GPRC5B: variants seen among roughly 807,000 people sequenced by gnomAD.
The protein encoded by GPRC5B is G protein-coupled receptor class C group 5 member B, also known as G protein-coupled receptor family C group 5 member B.
GPRC5B carries 16 observed loss-of-function variants against 30.1 expected under a neutral mutation model. That is an observed-to-expected ratio of 0.53 (90% confidence interval 0.36 to 0.81). The LOEUF is 0.81. Among genes scored for constraint, GPRC5B ranks in the 30% least tolerant of loss-of-function variants. GPRC5B has a pLI of 0.01. For missense variants in GPRC5B, 428 were observed against 544.7 expected, an observed-to-expected ratio of 0.79 and a Z score of 2.13; for synonymous variants, 241 against 239.5, an observed-to-expected ratio of 1.01 and a Z score of -0.06.
rs2056577990 is a variant in GPRC5B, at chr16:19,857,603, C to T, written c.*2897G>A. 3 of 318,134 alleles carry T rather than the reference C, an allele frequency of 9.4e-6. No homozygotes were observed. Among genetic ancestry groups the T allele is most frequent in the South Asian group, 8.2e-5 (3 of 36,532 alleles). 19.7% of individuals were successfully genotyped at this position (318,134 alleles called of 1,614,324 possible). The stretch of plus-strand genomic sequence containing the variant: ...GCTGAGAACTCCTGTAAGCTGGTAT[C>T]ATCATTGCATCATTGGATTATAAAA... On this transcript the variant is annotated 3_prime_UTR_variant, in exon 4 of 4. Coordinates refer to ENST00000300571, the MANE Select transcript of GPRC5B (RefSeq NM_016235.3).
chr16:19,869,174 C>CA (rs1358638082), intron 2 of GPRC5B, among the ~76,000 whole-genome samples: 1 of 151,594 alleles, frequency 6.6e-6, no homozygotes, highest in Non-Finnish European at 1.5e-5. Flanking sequence ...ACTAAAAATA[C>CA]AAAAATTAGC....
chr16:19,860,555 A>G lies in GPRC5B; in HGVS notation c.1168-11T>C. 1 of 1,574,542 alleles carries G rather than the reference A, an allele frequency of 6.4e-7. No homozygotes were observed. The highest frequency in any genetic ancestry group is 8.7e-7 in the Non-Finnish European group (1 of 1,144,124). The stretch of plus-strand genomic sequence containing the variant: ...CGGAGCAGTTGGGATCTGGAATAAC[A>G]CATAAGGATAACACACTGAGAACTC... On this transcript the variant is annotated splice_polypyrimidine_tract_variant and intron_variant, in intron 3 of 3. Coordinates refer to ENST00000300571, the MANE Select transcript of GPRC5B (RefSeq NM_016235.3).
intron 2 of GPRC5B, among the ~76,000 whole-genome samples, chr16:19,865,039 G>A (rs1013796983): frequency 6.6e-6 from 1 of 151,570 alleles, no homozygotes; most frequent in Middle Eastern, 3.4e-3. Context: ...CAAGTAGCAG[G>A]GACTACAGGC....
chr16:19,865,781 TG>T (rs1470779714), intron 2 of GPRC5B, among the ~76,000 whole-genome samples: 1 of 152,222 alleles, frequency 6.6e-6, no homozygotes, highest in Non-Finnish European at 1.5e-5. Context: ...CAGTTACCTC[TG>T]TAACATTGAT....
chr16:19,868,102 C>T (rs561608225), intron 2 of GPRC5B, among the ~76,000 whole-genome samples: 3 of 150,480 alleles, frequency 2.0e-5, no homozygotes, highest in Admixed American at 1.3e-4. Context: ...GGGCTGGGTG[C>T]GGTGGCTCAT....
In GPRC5B at chr16:19,864,481, G is replaced by A. The variant is rs148256910; in HGVS notation, c.1031-2508C>T. 2.9e-4 allele frequency among the ~76,000 whole-genome samples: 44 copies of A among 152,372 alleles called. No homozygotes were observed. The East Asian group carries it at 7.5e-3, about 26-fold the overall frequency. ...TGATACTTACTAATAAGCAGCAGGT[G>A]GGTGAAGTTGTATCTATCTGAGGTC... On this transcript the variant is annotated intron_variant, in intron 2 of 3. Coordinates refer to ENST00000300571, the MANE Select transcript of GPRC5B (RefSeq NM_016235.3).
At chr16:19,864,990 G>C (rs1432870775) in intron 2 of GPRC5B, among the ~76,000 whole-genome samples, 1 of 145,298 alleles carries the variant, frequency 6.9e-6, no homozygotes, top group Non-Finnish European at 1.5e-5. Flanking sequence ...TTGCAGCCTC[G>C]ACCTCCGTAG....
At chr16:19,868,205 T>C (rs939647803) in intron 2 of GPRC5B, among the ~76,000 whole-genome samples, 4 of 151,908 alleles carry the variant, frequency 2.6e-5, no homozygotes, top group South Asian at 4.2e-4. Flanking sequence ...AGAAACCCCA[T>C]CTCTACTAAA....
intron 1 of GPRC5B, among the ~76,000 whole-genome samples, chr16:19,876,878 C>T (rs999194643): frequency 7.9e-5 from 12 of 152,220 alleles, no homozygotes; most frequent in African/African-American, 2.9e-4. Flanking sequence ...GGAGAGCTAC[C>T]TTGCGTCTGA....
In GPRC5B at chr16:19,884,831, G is replaced by T; in HGVS notation, c.-106C>A. 1 of 983,708 alleles carries T rather than the reference G, an allele frequency of 1.0e-6. No individual in the cohort carries two copies. The highest frequency in any genetic ancestry group is 1.2e-6 in the Non-Finnish European group (1 of 829,398). The allele number at this position is 983,708 out of a possible 1,614,324, so 60.9% of individuals were successfully genotyped here. On this transcript the variant is annotated 5_prime_UTR_variant, in exon 1 of 4. Transcript: ENST00000300571. ...CCGCTCCACGCACGCCCGCCTGCGG[G>T]TCCAGCTTCACTGCAGCGCCTGCCA...
At chr16:19,863,931 C>A (rs1388561879) in intron 2 of GPRC5B, among the ~76,000 whole-genome samples, 2 of 152,062 alleles carry the variant, frequency 1.3e-5, no homozygotes, top group Non-Finnish European at 2.9e-5. Context: ...GAAACCGCCC[C>A]CCAACCCCCC....
chr16:19,871,783 C>T (rs201217752), intron 2 of GPRC5B, 33 bp downstream of exon 2: 36 of 1,590,560 alleles, frequency 2.3e-5, no homozygotes, highest in African/African-American at 9.4e-5. Context: ...AATGGTCCCC[C>T]GGCCTGACCC....
Position 19,872,180 on chromosome 16 carries a change from C to A in GPRC5B, c.666G>T (p.Leu222=), listed in dbSNP as rs1296946374. 1.2e-6 allele frequency: 2 copies of A among 1,614,194 alleles called. No homozygotes were observed. The highest frequency in any genetic ancestry group is 1.7e-6 in the Non-Finnish European group (2 of 1,180,036). ...VVTLGLALFT[L]CGKFKRWKLN... ...GCTTCCACCTCTTGAACTTGCCGCA[C>A]AGAGTGAAGAGGGCCAGCCCCAGGG... Residue 222 remains leucine (L), a synonymous_variant, in exon 2 of 4, where the codon CTG becomes CTT. Coordinates refer to ENST00000300571, the MANE Select transcript of GPRC5B (RefSeq NM_016235.3). The surrounding 1 kb of genome is among the most constrained non-coding windows in gnomAD (Gnocchi z 5.0).
In GPRC5B at chr16:19,872,648, G is replaced by T. The variant is rs775838103; in HGVS notation, c.198C>A (p.Gly66=). ...GCATCAGGAGCAGTGTGATCAGGGC[G>T]CCCGCCCCGGCCACCGCCTCCACCA... The part of the protein sequence containing the change: ...GIVVEAVAGA[G]ALITLLLMLI... Residue 66 remains glycine (G), a synonymous_variant, in exon 2 of 4, where the codon GGC becomes GGA. Transcript: ENST00000300571. The surrounding 1 kb of genome is among the most constrained non-coding windows in gnomAD (Gnocchi z 5.0). 1.2e-6 allele frequency: 2 copies of T among 1,613,940 alleles called. No homozygotes were observed. Among genetic ancestry groups the T allele is most frequent in the African/African-American group, 2.7e-5 (2 of 75,018 alleles).
In GPRC5B at chr16:19,859,077, C is replaced by G. The variant is rs1339258276; in HGVS notation, c.*1423G>C. On this transcript the variant is annotated 3_prime_UTR_variant, in exon 4 of 4. Transcript: ENST00000300571. The stretch of plus-strand genomic sequence containing the variant: ...CCAAACACTAACCTTTTTCATTTTT[C>G]TTTAAAGGTTAAAGGCTTATGGGTA... 1 of 152,780 alleles carries G rather than the reference C, an allele frequency of 6.5e-6. No homozygotes were observed. The highest frequency in any genetic ancestry group is 1.5e-5 in the Non-Finnish European group (1 of 68,204). The allele number at this position is 152,780 out of a possible 1,614,324, so 9.5% of individuals were successfully genotyped here.
Position 19,872,558 on chromosome 16 carries a change from G to C in GPRC5B, c.288C>G (p.His96Gln). Reference protein sequence around the residue: ...EKEKKSPVGLHFLFLLGTLGL... With the variant: ...EKEKKSPVGLQFLFLLGTLGL... ...CCAGGGTCCCCAGGAGGAACAGAAA[G>C]TGGAGGCCCACAGGGCTCTTCTTCT... The change falls in exon 2 of 4, where the codon CAC becomes CAG. Residue 96 changes from histidine to glutamine, a missense_variant. By Grantham distance (24) the His-to-Gln change is conservative. This residue lies in a region of GPRC5B where 196 missense variants were observed against 272.6 expected (regional missense o/e 0.72). Coordinates refer to ENST00000300571, the MANE Select transcript of GPRC5B (RefSeq NM_016235.3). This position sits in a 1 kb window ranked among gnomAD's most constrained non-coding sequence, Gnocchi z 5.0. The C allele has an allele frequency of 6.2e-7, 1 of 1,614,154 alleles. No homozygotes were observed. The highest frequency in any genetic ancestry group is 8.5e-7 in the Non-Finnish European group (1 of 1,179,988).
In GPRC5B at chr16:19,858,525, G is replaced by T. The variant is rs563290857; in HGVS notation, c.*1975C>A. On this transcript the variant is annotated 3_prime_UTR_variant, in exon 4 of 4. Transcript: ENST00000300571. The stretch of plus-strand genomic sequence containing the variant: ...AGAAAGCTCCAAAGGACTCCAGAGA[G>T]CGGGGGTGAGTAACCATTTCCTGGC... 2.9e-6 allele frequency: 2 copies of T among 694,438 alleles called. No homozygotes were observed. Among genetic ancestry groups the T allele is most frequent in the South Asian group, 3.0e-5 (2 of 66,052 alleles). 43.0% of individuals were successfully genotyped at this position (694,438 alleles called of 1,614,324 possible).
chr16:19,872,726 G>T lies in GPRC5B; in HGVS notation c.120C>A (p.Asp40Glu), dbSNP rs762238399. ...NASTSRGCGL[D>E]LLPQYVSLCD... ...ACAGGGACACGTACTGAGGGAGGAG[G>T]TCCAGCCCACAGCCTCGGGATGTGC... The change falls in exon 2 of 4, where the codon GAC becomes GAA. Residue 40 changes from aspartate (D) to glutamate (E), a missense_variant. Asp to Glu is a conservative substitution (Grantham distance 45). Transcript: ENST00000300571. This position sits in a 1 kb window ranked among gnomAD's most constrained non-coding sequence, Gnocchi z 5.0. The T allele has an allele frequency of 1.9e-6, 3 of 1,613,680 alleles. No homozygotes were observed. The highest frequency in any genetic ancestry group is 2.5e-6 in the Non-Finnish European group (3 of 1,180,014).
chr16:19,871,347 C>T (rs910327398), intron 2 of GPRC5B, among the ~76,000 whole-genome samples: 12 of 150,830 alleles, frequency 8.0e-5, no homozygotes, highest in Admixed American at 5.3e-4. Context: ...CCCTGCTGGG[C>T]GTGGTGGCTC....
Sources: allele counts gnomAD v4.1 joint callset (sites outside exome capture counted in the v4.1 genomes callset), GRCh38; gene constraint gnomAD v4.1.1; regional missense constraint gnomAD v4.1.1; non-coding constraint Gnocchi (gnomAD v3.1); transcripts MANE v1.5; gene names NCBI Gene and HGNC (gene_info 2026-07-23, HGNC 2026-07-21).